Variants in TUSC3 observed in about 807,000 individuals in gnomAD.
TUSC3 encodes the protein tumor suppressor candidate 3, also known as dolichyl-diphosphooligosaccharide--protein glycosyltransferase subunit TUSC3.
Under a neutral mutation model 44.8 loss-of-function variants are expected in TUSC3, and 45 were observed. The ratio of observed to expected loss-of-function variants is 1.00; its 90% CI spans 0.79 to 1.29. The LOEUF is 1.29. TUSC3 is among the 50% of genes most tolerant of loss of function. TUSC3 has a pLI of 0.00. For missense variants in TUSC3, 519 were observed against 437.9 expected, an observed-to-expected ratio of 1.19 and a Z score of -1.65; for synonymous variants, 212 against 152.9, an observed-to-expected ratio of 1.39 and a Z score of -2.85.
chr8:15,479,552 G>A (rs569048065), intron 1 of TUSC3, among the ~76,000 whole-genome samples: 9 of 152,030 alleles, frequency 5.9e-5, no homozygotes, highest in South Asian at 2.1e-4. Flanking sequence ...TCCTTTTCCC[G>A]TTGCTTATTT....
chr8:15,696,937 T>C (rs1809196061), intron 6 of TUSC3, among the ~76,000 whole-genome samples: 1 of 152,180 alleles, frequency 6.6e-6, no homozygotes, highest in Non-Finnish European at 1.5e-5. Flanking sequence ...TTTTTTTTGT[T>C]GGTAATTTTT....
At chr8:15,430,737 C>G (rs1799863035) in intron 1 of TUSC3, among the ~76,000 whole-genome samples, 1 of 151,696 alleles carries the variant, frequency 6.6e-6, no homozygotes, top group Non-Finnish European at 1.5e-5. Flanking sequence ...ACCCCATTGT[C>G]TCAGCCCAAA....
chr8:15,433,316 T>A (rs1282299720), intron 1 of TUSC3, among the ~76,000 whole-genome samples: 3 of 152,126 alleles, frequency 2.0e-5, no homozygotes, highest in African/African-American at 4.8e-5. Context: ...TGAAGTCAAA[T>A]TTGGTGTCAG....
chr8:15,522,914 C>G (rs1167065569), intron 2 of TUSC3, among the ~76,000 whole-genome samples: 1 of 152,124 alleles, frequency 6.6e-6, no homozygotes, highest in Non-Finnish European at 1.5e-5. Flanking sequence ...GAAGTGATTT[C>G]AAGGAGCAGA....
At chr8:15,556,558 A>G in intron 1 of TUSC3, among the ~76,000 whole-genome samples, 1 of 149,284 alleles carries the variant, frequency 6.7e-6, no homozygotes, top group Admixed American at 6.7e-5. Context: ...TTCCAGTTCT[A>G]GATCCCTGAG....
At chr8:15,605,715 A>G (rs999023537) in intron 1 of TUSC3, among the ~76,000 whole-genome samples, 1 of 152,030 alleles carries the variant, frequency 6.6e-6, no homozygotes, top group Non-Finnish European at 1.5e-5. Context: ...CTATTATAAA[A>G]AGGTCAAAAC....
At chr8:15,472,086 C>T (rs981640043) in intron 1 of TUSC3, among the ~76,000 whole-genome samples, 1 of 152,098 alleles carries the variant, frequency 6.6e-6, no homozygotes, top group African/African-American at 2.4e-5. Flanking sequence ...ATAAATAATC[C>T]TTAGCTTTGA....
intron 6 of TUSC3, among the ~76,000 whole-genome samples, chr8:15,724,065 CTGAT>C (rs907032734): frequency 6.6e-6 from 1 of 152,084 alleles, no homozygotes; most frequent in Admixed American, 6.6e-5. Flanking sequence ...GGTCCCTAAT[CTGAT>C]TGGATTGGTG....
the TUSC3 span, among the ~76,000 whole-genome samples, chr8:15,813,220 T>A: frequency 1.3e-5 from 2 of 152,348 alleles, no homozygotes; most frequent in South Asian, 4.1e-4. Context: ...AGACACTGTG[T>A]AATCAGCCAA....
chr8:15,618,495 C>A (rs77928249), intron 1 of TUSC3, among the ~76,000 whole-genome samples: 5,882 of 152,170 alleles, frequency 0.039, 193 homozygotes, highest in East Asian at 0.15. Flanking sequence ...TCAGGATTAT[C>A]AATATCACTA....
chr8:15,532,088 C>G (rs1176522127), intron 2 of TUSC3, among the ~76,000 whole-genome samples: 1 of 151,964 alleles, frequency 6.6e-6, no homozygotes, highest in African/African-American at 2.4e-5. Context: ...TCAAATGCAC[C>G]TAAGTTTTTT....
the TUSC3 span, among the ~76,000 whole-genome samples, chr8:15,774,069 T>C: frequency 3.3e-5 from 5 of 152,140 alleles, no homozygotes; most frequent in African/African-American, 1.2e-4. Context: ...AAAACTTTTG[T>C]GCATTAAAAG....
chr8:15,788,977 G>A, the TUSC3 span, among the ~76,000 whole-genome samples: 10 of 152,238 alleles, frequency 6.6e-5, no homozygotes, highest in East Asian at 1.9e-4. Context: ...GGCAAGCTAC[G>A]CCTCCCCTTT....
At chr8:15,444,197 C>T (rs1291181344) in intron 1 of TUSC3, among the ~76,000 whole-genome samples, 1 of 152,196 alleles carries the variant, frequency 6.6e-6, no homozygotes, top group Admixed American at 6.5e-5. Context: ...TGCATCTTTG[C>T]TTCATGAAAT....
At chr8:15,423,952 T>A (rs1430586423) in intron 1 of TUSC3, among the ~76,000 whole-genome samples, 2 of 148,638 alleles carry the variant, frequency 1.3e-5, no homozygotes, top group African/African-American at 2.5e-5. Flanking sequence ...CTTACAGCAT[T>A]CATACTGTTT....
At chr8:15,458,500 A>C (rs1228248771) in intron 1 of TUSC3, among the ~76,000 whole-genome samples, 1 of 152,128 alleles carries the variant, frequency 6.6e-6, no homozygotes. Flanking sequence ...CGGCCTCCCA[A>C]AGTGCTGGCC....
At chr8:15,417,188 A>C (rs1016191688), upstream of TUSC3, 2 of 152,258 alleles carry the variant, frequency 1.3e-5, no homozygotes, top group Admixed American at 1.3e-4. Context: ...CTCCCTCTTC[A>C]CTATCTTCCT....
chr8:15,819,631 G>C, the TUSC3 span, among the ~76,000 whole-genome samples: 1 of 148,940 alleles, frequency 6.7e-6, no homozygotes, highest in African/African-American at 2.5e-5. Flanking sequence ...TCTTATACTT[G>C]TAAGTCTTTT....
At chr8:15,731,521 A>G (rs1304201123) in intron 7 of TUSC3, among the ~76,000 whole-genome samples, 1 of 152,128 alleles carries the variant, frequency 6.6e-6, no homozygotes, top group African/African-American at 2.4e-5. Flanking sequence ...CTATCTTTGA[A>G]TTCATCTAGG....
Sources: gnomAD v4.1 joint callset for allele counts (sites outside exome capture counted in the v4.1 genomes callset) on GRCh38, gnomAD v4.1.1 for gene constraint, MANE v1.5 for transcripts, NCBI Gene and HGNC (gene_info 2026-07-23, HGNC 2026-07-21) for gene names.